PHEX: variants seen among roughly 807,000 people sequenced by gnomAD.
PHEX encodes phosphate regulating endopeptidase X-linked.
Under a neutral mutation model 68.0 loss-of-function variants are expected in PHEX, and 16 were observed. The ratio of observed to expected loss-of-function variants is 0.24; its 90% CI spans 0.16 to 0.36. PHEX has a LOEUF of 0.36. PHEX is among the 10% of genes least tolerant of loss of function. The pLI, the probability that PHEX is intolerant of heterozygous loss-of-function variation, is 1.00. For missense variants in PHEX, 480 were observed against 575.5 expected (o/e 0.83, Z 1.70); for synonymous variants, 208 against 205.1 (o/e 1.01, Z -0.12).
At chrX:22,141,148 C>G (rs1932441302) in intron 12 of PHEX, among the ~76,000 whole-genome samples, 1 of 111,069 alleles carries the variant, frequency 9.0e-6, no homozygotes, top group Non-Finnish European at 1.9e-5. Flanking sequence ...TTGGCTCTAT[C>G]CCACATCTAT....
At chrX:22,173,265 C>A (rs902128396) in intron 13 of PHEX, among the ~76,000 whole-genome samples, 1 of 111,925 alleles carries the variant, frequency 8.9e-6, no homozygotes, top group Non-Finnish European at 1.9e-5. Flanking sequence ...TGCCCCCCAA[C>A]CTTCCAGCCA....
intron 12 of PHEX, among the ~76,000 whole-genome samples, chrX:22,152,776 A>T (rs1932876342): frequency 8.9e-6 from 1 of 111,892 alleles, no homozygotes; most frequent in Admixed American, 9.5e-5. Flanking sequence ...AGGATGCTAT[A>T]AATGTTTTAA....
At chrX:22,094,357 G>A (rs774016247) in intron 7 of PHEX, among the ~76,000 whole-genome samples, 6 of 112,206 alleles carry the variant, frequency 5.3e-5, no homozygotes, top group Admixed American at 9.5e-5. Flanking sequence ...GTGTCCATAC[G>A]TTGCTCAGCT....
At chrX:22,163,979 G>A (rs1933226531) in intron 12 of PHEX, among the ~76,000 whole-genome samples, 1 of 111,902 alleles carries the variant, frequency 8.9e-6, no homozygotes, top group Admixed American at 9.5e-5. Context: ...GTCTGTCAAT[G>A]ATCTCTGCTG....
At chrX:22,057,754 C>T (rs1260970696) in intron 3 of PHEX, among the ~76,000 whole-genome samples, 1 of 111,503 alleles carries the variant, frequency 9.0e-6, no homozygotes, top group Non-Finnish European at 1.9e-5. Context: ...TCCATGAGAA[C>T]CAGCCCCTTG....
chrX:22,195,922 A>G (rs752771246), intron 15 of PHEX, among the ~76,000 whole-genome samples: 2 of 111,679 alleles, frequency 1.8e-5, no homozygotes, highest in South Asian at 7.6e-4. Context: ...CACGCTTGTA[A>G]TCCCAGCACT....
chrX:22,094,987 C>T (rs1195531606), intron 7 of PHEX, among the ~76,000 whole-genome samples: 3 of 111,754 alleles, frequency 2.7e-5, no homozygotes, highest in African/African-American at 9.8e-5. Flanking sequence ...GAAAGTTTTG[C>T]GTATGTGTTG....
At chrX:22,106,643 G>A (rs559532808) in intron 9 of PHEX, among the ~76,000 whole-genome samples, 257 of 110,444 alleles carry the variant, frequency 2.3e-3, no homozygotes, top group African/African-American at 8.0e-3. Context: ...GCACAGTGGC[G>A]CATGCCTGTA....
intron 10 of PHEX, among the ~76,000 whole-genome samples, chrX:22,112,760 G>A (rs1029036188): frequency 9.1e-6 from 1 of 109,980 alleles, no homozygotes; most frequent in African/African-American, 3.3e-5. Context: ...AAAATTAGCC[G>A]GGCATGGTGT....
chrX:22,063,580 A>G (rs974076566), intron 3 of PHEX, among the ~76,000 whole-genome samples: 3 of 112,068 alleles, frequency 2.7e-5, no homozygotes, highest in African/African-American at 9.7e-5. Flanking sequence ...AAGGCTGCAT[A>G]GCCCGCTGTG....
intron 3 of PHEX, among the ~76,000 whole-genome samples, chrX:22,072,369 C>T (rs1288647497): frequency 1.8e-5 from 2 of 111,429 alleles, no homozygotes; most frequent in African/African-American, 3.3e-5. Context: ...CGAGATCAAG[C>T]CACTGCACTC....
At position 22,057,101 on chromosome X, in the gene PHEX, G is replaced by T. The variant is rs972168711; in HGVS notation, c.349+9890G>T. 3.6e-5 allele frequency among the ~76,000 whole-genome samples: 4 copies of T among 111,673 alleles called. No individual in the cohort carries two copies. In the East Asian group the frequency reaches 1.1e-3, roughly 31 times the overall value. On this transcript the variant is annotated intron_variant, in intron 3 of 21. Transcript: ENST00000379374. The stretch of plus-strand genomic sequence containing the variant: ...ATTTTGAGTTATATTAAGGCAAATA[G>T]GATATACCATTAAACATCTCACCTG...
At chrX:22,033,265 A>T (rs2146974533) in intron 1 of PHEX, 142 bp downstream of exon 1, 1 of 497,780 alleles carries the variant, frequency 2.0e-6, no homozygotes, top group African/African-American at 2.4e-5. Flanking sequence ...TTTCTATCAA[A>T]TATGCAAATG....
chrX:22,148,094 T>C (rs1278073071), intron 12 of PHEX, among the ~76,000 whole-genome samples: 1 of 111,450 alleles, frequency 9.0e-6, no homozygotes, highest in Non-Finnish European at 1.9e-5. Flanking sequence ...TTTCCTATGA[T>C]TCTGTGGGTT....
chrX:22,152,554 T>C (rs1166355058), intron 12 of PHEX, among the ~76,000 whole-genome samples: 1 of 111,829 alleles, frequency 8.9e-6, no homozygotes, highest in Non-Finnish European at 1.9e-5. Context: ...ATCCAGTTTA[T>C]TAAACTGTGT....
intron 18 of PHEX, among the ~76,000 whole-genome samples, chrX:22,224,993 G>GATTTATAATCATACATCTC: frequency 1.0e-5 from 1 of 99,033 alleles, no homozygotes; most frequent in Non-Finnish European, 2.1e-5. Context: ...AGCTCTGTAT[G>GATTTATAATCATACATCTC]TCAGAAGTCT....
At chrX:22,138,252 G>A (rs988193614) in intron 12 of PHEX, among the ~76,000 whole-genome samples, 1 of 112,542 alleles carries the variant, frequency 8.9e-6, no homozygotes, top group African/African-American at 3.2e-5. Flanking sequence ...ACATTTCACC[G>A]AGTCTGGTTG....
intron 11 of PHEX, among the ~76,000 whole-genome samples, chrX:22,126,558 G>A (rs1299354150): frequency 8.9e-6 from 1 of 111,825 alleles, no homozygotes; most frequent in Non-Finnish European, 1.9e-5. Flanking sequence ...ATGTCTATGT[G>A]ATGGGAGGAA....
intron 5 of PHEX, among the ~76,000 whole-genome samples, chrX:22,089,408 TTTTTTTTTG>T (rs1449918541): frequency 7.5e-5 from 5 of 66,971 alleles, no homozygotes; most frequent in Non-Finnish European, 1.5e-4. Context: ...TTTTTTTTGT[TTTTTTTTTG>T]TTTTTTTTGT....
Sources: allele counts gnomAD v4.1 joint callset (sites outside exome capture counted in the v4.1 genomes callset), GRCh38; gene constraint gnomAD v4.1.1; transcripts MANE v1.5; gene names NCBI Gene and HGNC (gene_info 2026-07-23, HGNC 2026-07-21).